The following ANXA8 variants were observed in gnomAD, a reference collection of about 807,000 sequenced individuals.
ANXA8 encodes the protein VAC-beta.
A neutral mutation model predicts 26.8 loss-of-function variants in ANXA8; 9 were observed. That is an observed-to-expected ratio of 0.34 (90% CI 0.20 to 0.59). The LOEUF (loss-of-function observed/expected upper bound fraction) is 0.59. Among genes scored for constraint, ANXA8 ranks in the 20% least tolerant of loss-of-function variants. The probability of loss-of-function intolerance (pLI) is 0.84; values close to 1 mark genes in which losing one functional copy is unlikely to be tolerated. For synonymous variants in ANXA8, 39 were observed against 94.8 expected, an observed-to-expected ratio of 0.41 and a Z score of 3.42; for missense variants, 83 against 238.5, an observed-to-expected ratio of 0.35 and a Z score of 4.29.
chr10:47,587,543 G>C, the ANXA8 span, among the ~76,000 whole-genome samples: 1 of 146,928 alleles, frequency 6.8e-6, no homozygotes, highest in South Asian at 2.1e-4. Context: ...CTGAAAGAAA[G>C]AATCACTAAG....
At chr10:47,768,700 G>A in the ANXA8 span, among the ~76,000 whole-genome samples, 14 of 151,652 alleles carry the variant, frequency 9.2e-5, no homozygotes, top group African/African-American at 3.2e-4. Context: ...GAGAGTGGGG[G>A]ATTCAACTCT....
the ANXA8 span, among the ~76,000 whole-genome samples, chr10:47,663,672 C>T: frequency 7.1e-6 from 1 of 140,972 alleles, no homozygotes; most frequent in Non-Finnish European, 1.5e-5. Flanking sequence ...GTGTGAGCCA[C>T]CATGCCTGTC....
the ANXA8 span, chr10:47,973,003 A>G: frequency 6.7e-6 from 1 of 149,878 alleles, no homozygotes; most frequent in African/African-American, 2.4e-5. Flanking sequence ...ACTCTTATAC[A>G]CCTGGTTGTG....
chr10:47,625,943 A>T, the ANXA8 span, among the ~76,000 whole-genome samples: 2 of 149,924 alleles, frequency 1.3e-5, no homozygotes, highest in Non-Finnish European at 2.9e-5. Context: ...ACTTATCTAA[A>T]CTCTCTATAT....
the ANXA8 span, among the ~76,000 whole-genome samples, chr10:47,937,847 G>GACATGTTCCTGTAAAGA: frequency 6.8e-6 from 1 of 146,020 alleles, no homozygotes; most frequent in African/African-American, 2.5e-5. Flanking sequence ...TCCTGTAAAG[G>GACATGTTCCTGTAAAGA]ACATGATCTC....
chr10:47,981,104 ACAAT>A, the ANXA8 span, among the ~76,000 whole-genome samples: 1 of 151,800 alleles, frequency 6.6e-6, no homozygotes, highest in African/African-American at 2.4e-5. Flanking sequence ...ATTATGTATC[ACAAT>A]CAAGTGACAT....
chr10:47,948,719 C>G, the ANXA8 span, among the ~76,000 whole-genome samples: 1 of 150,602 alleles, frequency 6.6e-6, no homozygotes, highest in Non-Finnish European at 1.5e-5. Flanking sequence ...GTAAAAAATG[C>G]TCCAAATTTG....
At chr10:47,517,302 T>A in the ANXA8 span, among the ~76,000 whole-genome samples, 1 of 99,026 alleles carries the variant, frequency 1.0e-5, no homozygotes, top group Non-Finnish European at 2.0e-5. Context: ...AGACAGAGTT[T>A]CGCTCTGTCG....
At chr10:47,742,979 C>A in the ANXA8 span, among the ~76,000 whole-genome samples, 3 of 137,004 alleles carry the variant, frequency 2.2e-5, no homozygotes, top group African/African-American at 2.7e-5. Context: ...ACGGTGAAAC[C>A]CCGTCTCTAC....
At chr10:47,697,442 ATAGC>A in the ANXA8 span, among the ~76,000 whole-genome samples, 2 of 151,364 alleles carry the variant, frequency 1.3e-5, no homozygotes, top group African/African-American at 4.9e-5. Context: ...ATACAAGAAA[ATAGC>A]TAGAGAAATA....
the ANXA8 span, among the ~76,000 whole-genome samples, chr10:47,669,588 G>A: frequency 2.0e-5 from 3 of 151,744 alleles, no homozygotes; most frequent in East Asian, 1.9e-4. Context: ...GGTGGTGCAC[G>A]CCTGTGGTCC....
chr10:47,502,737 G>C, the ANXA8 span: 1 of 1,595,214 alleles, frequency 6.3e-7, no homozygotes, highest in Non-Finnish European at 8.6e-7. Context: ...GCAGGGCCAT[G>C]GCCTCACTCT....
intron 1 of ANXA8, among the ~76,000 whole-genome samples, chr10:47,483,483 G>A (rs2132436677): frequency 7.4e-6 from 1 of 135,812 alleles, no homozygotes; most frequent in East Asian, 2.6e-4. Flanking sequence ...CAAGCTCCCT[G>A]CCCTCTGACC....
chr10:47,730,732 G>C, the ANXA8 span, among the ~76,000 whole-genome samples: 3 of 146,158 alleles, frequency 2.1e-5, no homozygotes, highest in African/African-American at 7.6e-5. Flanking sequence ...ACTGTATTTA[G>C]TCCCTGCTAC....
the ANXA8 span, among the ~76,000 whole-genome samples, chr10:47,707,227 T>C: frequency 1.4e-5 from 2 of 143,342 alleles, no homozygotes; most frequent in Non-Finnish European, 3.1e-5. Flanking sequence ...TTTTACCAAT[T>C]TGGTTTTGAT....
chr10:47,551,550 A>C, the ANXA8 span, among the ~76,000 whole-genome samples: 2 of 152,012 alleles, frequency 1.3e-5, no homozygotes. Flanking sequence ...AGAAACGCCA[A>C]CCAGTGTGCA....
At chr10:47,483,797 C>T (rs1839943492) in intron 1 of ANXA8, 116 bp downstream of exon 1, 2 of 1,608,788 alleles carry the variant, frequency 1.2e-6, no homozygotes, top group African/African-American at 2.7e-5. Context: ...CAGGAGGCAG[C>T]CAAATGTAGA....
At chr10:47,958,610 T>C in the ANXA8 span, among the ~76,000 whole-genome samples, 1 of 148,426 alleles carries the variant, frequency 6.7e-6, no homozygotes, top group Non-Finnish European at 1.5e-5. Context: ...TGTGGTCTGA[T>C]GTTGAGTCCA....
the ANXA8 span, among the ~76,000 whole-genome samples, chr10:47,547,435 T>A: frequency 3.1e-4 from 40 of 129,374 alleles, 2 homozygotes; most frequent in African/African-American, 1.1e-3. Flanking sequence ...GATATACATA[T>A]ACATATACAT....
Sources: allele counts gnomAD v4.1 joint callset (sites outside exome capture counted in the v4.1 genomes callset), GRCh38; gene constraint gnomAD v4.1.1; transcripts MANE v1.5; gene names NCBI Gene and HGNC (gene_info 2026-07-23, HGNC 2026-07-21).